Variants in RAPGEFL1 observed in about 807,000 individuals in gnomAD.
RAPGEFL1 encodes the protein rap guanine nucleotide exchange factor-like 1.
RAPGEFL1 carries 31 observed loss-of-function variants against 64.4 expected under a neutral mutation model. The observed-to-expected ratio is 0.48, with a 90% CI of 0.36 to 0.65. The LOEUF (loss-of-function observed/expected upper bound fraction) is 0.65, where lower values mean the gene tolerates loss of function less well. RAPGEFL1 is among the 30% of genes least tolerant of loss of function. The pLI is 0.00. For synonymous variants in RAPGEFL1, 331 were observed against 274.1 expected, an observed-to-expected ratio of 1.21 and a Z score of -2.05; for missense variants, 682 against 677.4, an observed-to-expected ratio of 1.01 and a Z score of -0.08.
rs553941022 is a variant in RAPGEFL1, at chr17:40,193,128, T to C, written c.1809+138T>C. ...AACAGACTCTTGACTGTCTCCCTGGTGGCATCACTGTGGCAACCCACCCAC... is the reference window on the plus strand; with the variant it reads ...AACAGACTCTTGACTGTCTCCCTGGCGGCATCACTGTGGCAACCCACCCAC... On this transcript the variant is annotated intron_variant, in intron 13 of 14. Coordinates refer to ENST00000620260, the MANE Select transcript of RAPGEFL1 (RefSeq NM_016339.6). 106 of 994,266 alleles carry C rather than the reference T, an allele frequency of 1.1e-4. No homozygotes were observed. In the African/African-American group the frequency reaches 1.3e-3, roughly 12 times the overall value. 61.6% of individuals were successfully genotyped at this position (994,266 alleles called of 1,614,324 possible). A position where few individuals can be genotyped will look rare whatever the true frequency, so the allele number is the denominator to read the frequency against.
rs1192919826 is a variant in RAPGEFL1 at position 40,178,192 on chromosome 17, C to A, written c.331C>A (p.Pro111Thr). The change falls in exon 1 of 15, where the codon CCC becomes ACC. Residue 111 changes from proline (P) to threonine (T), a missense_variant. Physicochemically the swap from Pro to Thr is conservative, Grantham distance 38. Coordinates refer to ENST00000620260, the MANE Select transcript of RAPGEFL1 (RefSeq NM_016339.6). ...GCTGCAGCTGGAGGAGGTGCCGGGG[C>A]CCGGGCCTCTCGGGGGAGGGGGGCC... ...CWLQLEEVPG[P>T]GPLGGGGPLR... 1.8e-6 allele frequency: 1 copy of A among 552,118 alleles called. No homozygotes were observed. The highest frequency in any genetic ancestry group is 2.1e-5 in the South Asian group (1 of 48,324). 34.2% of individuals were successfully genotyped at this position (552,118 alleles called of 1,614,324 possible). A position where few individuals can be genotyped will look rare whatever the true frequency, so the allele number is the denominator to read the frequency against.
intron 4 of RAPGEFL1, among the ~76,000 whole-genome samples, chr17:40,187,678 T>G (rs1990120949): frequency 6.6e-6 from 1 of 151,270 alleles, no homozygotes; most frequent in African/African-American, 2.4e-5. Context: ...TGGTGTGATC[T>G]CGGCTCACTG....
Position 40,191,296 on chromosome 17 carries a change from C to A in RAPGEFL1, c.1336-20C>A. 6.5e-7 allele frequency: 1 copy of A among 1,541,202 alleles called. No individual in the cohort carries two copies. The highest frequency in any genetic ancestry group is 8.7e-7 in the Non-Finnish European group (1 of 1,153,272). Reference sequence around the variant, plus strand: ...TCACCCCCTGGCGCCCTGGCCGCCCCTCCGCTGCCGTGGGTGCAGCTGGAG... The same window carrying A: ...TCACCCCCTGGCGCCCTGGCCGCCCATCCGCTGCCGTGGGTGCAGCTGGAG... On this transcript the variant is annotated intron_variant, in intron 8 of 14. Coordinates refer to ENST00000620260, the MANE Select transcript of RAPGEFL1 (RefSeq NM_016339.6). This position sits in a 1 kb window ranked among gnomAD's most constrained non-coding sequence, Gnocchi z 5.1.
At chr17:40,186,574 CAAAAAAAAAAAAAAA>C (rs146110920) in intron 4 of RAPGEFL1, among the ~76,000 whole-genome samples, 31 of 26,290 alleles carry the variant, frequency 1.2e-3, no homozygotes, top group East Asian at 5.5e-3. Flanking sequence ...GACTCCGTCT[CAAAAAAAAAAAAAAA>C]AAAAAAAAAA....
intron 14 of RAPGEFL1, 41 bp from the exon 15 acceptor site, chr17:40,193,623 G>A (rs1317183687): frequency 6.2e-7 from 1 of 1,613,832 alleles, no homozygotes; most frequent in South Asian, 1.1e-5. Context: ...AGGAAGAAGG[G>A]AAGCTGGGAA....
At chr17:40,189,789 A>T (rs1186341449) in intron 6 of RAPGEFL1, among the ~76,000 whole-genome samples, 1 of 151,980 alleles carries the variant, frequency 6.6e-6, no homozygotes, top group African/African-American at 2.4e-5. Context: ...TCCTATGCCT[A>T]CTAAAGTTTG....
chr17:40,189,472 C>T, intron 6 of RAPGEFL1, 97 bp downstream of exon 6: 2 of 1,352,242 alleles, frequency 1.5e-6, no homozygotes, highest in Non-Finnish European at 2.0e-6. Flanking sequence ...TAGGCCCTTG[C>T]TACTCAAAGT....
At chr17:40,188,755 G>A in intron 4 of RAPGEFL1, 111 bp from the exon 5 acceptor site, 2 of 797,702 alleles carry the variant, frequency 2.5e-6, no homozygotes, top group East Asian at 2.5e-5. Context: ...TGAAATTGCT[G>A]CTGGTGCATC....
At chr17:40,189,728 G>A (rs750188502) in intron 6 of RAPGEFL1, among the ~76,000 whole-genome samples, 7 of 152,118 alleles carry the variant, frequency 4.6e-5, no homozygotes, top group Non-Finnish European at 1.0e-4. Context: ...ACCCCACCCC[G>A]ACCTGCTGGT....
At chr17:40,177,437 A>G (rs1428887258), upstream of RAPGEFL1, 3 of 659,724 alleles carry the variant, frequency 4.5e-6, no homozygotes, top group Admixed American at 4.3e-5. Context: ...CTGGGCGGGG[A>G]CTGGAGGAGG....
intron 4 of RAPGEFL1, among the ~76,000 whole-genome samples, chr17:40,187,330 C>A (rs1990110238): frequency 6.6e-6 from 1 of 152,102 alleles, no homozygotes; most frequent in African/African-American, 2.4e-5. Context: ...CCACCACAAC[C>A]CTTAGGGAGG....
In RAPGEFL1 at chr17:40,192,242, T is replaced by G. The variant is rs1221458636; in HGVS notation, c.1635T>G (p.Phe545Leu). Reference sequence around the variant, plus strand: ...TGCCAGGGAAATTCAAGAACTTGTTTCGCAAATTTGAGAACCTGACGGTGA... The same window carrying G: ...TGCCAGGGAAATTCAAGAACTTGTTGCGCAAATTTGAGAACCTGACGGTGA... ...EKLPGKFKNL[F>L]RKFENLTDPC... The change falls in exon 11 of 15, where the codon TTT (phenylalanine) becomes TTG (leucine). Residue 545 changes from phenylalanine to leucine, a missense_variant. Transcript: ENST00000620260. 1 of 1,613,996 alleles carries G rather than the reference T, an allele frequency of 6.2e-7. No homozygotes were observed. Among genetic ancestry groups the G allele is most frequent in the African/African-American group, 1.3e-5 (1 of 74,926 alleles).
chr17:40,190,870 G>A (rs1990238673), intron 8 of RAPGEFL1, 108 bp downstream of exon 8: 6 of 1,511,976 alleles, frequency 4.0e-6, no homozygotes, highest in Middle Eastern at 2.3e-4. Flanking sequence ...CTTGCAGCAA[G>A]CCCTTGGGCA....
At chr17:40,190,250 G>T (rs1280617222) in intron 6 of RAPGEFL1, among the ~76,000 whole-genome samples, 184 bp from the exon 7 acceptor site, 1 of 152,192 alleles carries the variant, frequency 6.6e-6, no homozygotes, top group Non-Finnish European at 1.5e-5. Flanking sequence ...AGTTATAAAT[G>T]CAAAAGAAAT....
At position 40,177,738 on chromosome 17, in the gene RAPGEFL1, G is replaced by A. The variant is rs1275115416; in HGVS notation, c.-124G>A. 4.9e-6 allele frequency: 2 copies of A among 407,370 alleles called. No individual in the cohort carries two copies. Among genetic ancestry groups the A allele is most frequent in the Non-Finnish European group, 8.6e-6 (2 of 233,638 alleles). The allele number at this position is 407,370 out of a possible 1,614,324, so 25.2% of individuals were successfully genotyped here. On this transcript the variant is annotated 5_prime_UTR_variant, in exon 1 of 15. Coordinates refer to ENST00000620260, the MANE Select transcript of RAPGEFL1 (RefSeq NM_016339.6). ...CTCGGCCCCTCTGGCCCCCAGTCTG[G>A]CGCCTGGCACGGCCCTCTACTCTGC...
chr17:40,187,794 TA>T (rs1990126106), intron 4 of RAPGEFL1, among the ~76,000 whole-genome samples: 2 of 151,772 alleles, frequency 1.3e-5, no homozygotes, highest in African/African-American at 4.8e-5. Context: ...ATATTTTTTT[TA>T]GTAGAGACGG....
At position 40,191,021 on chromosome 17, in the gene RAPGEFL1, G is replaced by T. The variant is rs1000864634; in HGVS notation, c.1335+259G>T. ...TATTTTTAAAATATTCACTATTAAA[G>T]AAATAAAATAAGGCAGAGACAATAA... is the stretch of plus-strand genomic sequence containing the variant. On this transcript the variant is annotated intron_variant, in intron 8 of 14. Coordinates refer to ENST00000620260, the MANE Select transcript of RAPGEFL1 (RefSeq NM_016339.6). The surrounding 1 kb of genome is among the most constrained non-coding windows in gnomAD (Gnocchi z 5.1). 28 of 601,572 alleles carry T rather than the reference G, an allele frequency of 4.7e-5. No individual in the cohort carries two copies. Among genetic ancestry groups the T allele is most frequent in the Non-Finnish European group, 7.4e-5 (26 of 350,708 alleles). The allele number at this position is 601,572 out of a possible 1,614,324, so 37.3% of individuals were successfully genotyped here.
Position 40,191,216 on chromosome 17 carries a change from C to A in RAPGEFL1, c.1336-100C>A. ...TATTTTCCACCCCTTCCGCCCCCGC[C>A]CTCCTGCCTTTCGCTCCTCATCGCC... is the stretch of plus-strand genomic sequence containing the variant. On this transcript the variant is annotated intron_variant, in intron 8 of 14. Transcript: ENST00000620260. This position sits in a 1 kb window ranked among gnomAD's most constrained non-coding sequence, Gnocchi z 5.1. 8.9e-7 allele frequency: 1 copy of A among 1,127,544 alleles called. No homozygotes were observed. 69.8% of individuals were successfully genotyped at this position (1,127,544 alleles called of 1,614,324 possible). A position where few individuals can be genotyped will look rare whatever the true frequency, so the allele number is the denominator to read the frequency against.
At position 40,177,860 on chromosome 17, in the gene RAPGEFL1, G is replaced by A; in HGVS notation, c.-2G>A. On this transcript the variant is annotated 5_prime_UTR_variant, in exon 1 of 15. Coordinates refer to ENST00000620260, the MANE Select transcript of RAPGEFL1 (RefSeq NM_016339.6). The stretch of plus-strand genomic sequence containing the variant: ...ACCCCTAGGAGAGGGGCGGGGGGGG[G>A]CATGAAGCCGCTGGAGAAATTTCTG... 1 of 428,620 alleles carries A rather than the reference G, an allele frequency of 2.3e-6. No homozygotes were observed. Among genetic ancestry groups the A allele is most frequent in the Non-Finnish European group, 4.1e-6 (1 of 241,464 alleles). 26.6% of individuals were successfully genotyped at this position (428,620 alleles called of 1,614,324 possible). A position where few individuals can be genotyped will look rare whatever the true frequency, so the allele number is the denominator to read the frequency against.
Sources: gnomAD v4.1 joint callset for allele counts (sites outside exome capture counted in the v4.1 genomes callset) on GRCh38, gnomAD v4.1.1 for gene constraint, Gnocchi (gnomAD v3.1) non-coding constraint, MANE v1.5 for transcripts, NCBI Gene and HGNC (gene_info 2026-07-23, HGNC 2026-07-21) for gene names.